PUM2: variants seen among roughly 807,000 people sequenced by gnomAD.
PUM2 encodes pumilio homolog 2.
In PUM2, 57 loss-of-function variants were observed where a neutral mutation model predicts 124.5. The ratio of observed to expected loss-of-function variants is 0.46; its 90% confidence interval spans 0.37 to 0.57. The LOEUF is 0.57. Among genes scored for constraint, PUM2 ranks in the 20% least tolerant of loss-of-function variants. PUM2 has a pLI of 0.00. For missense variants in PUM2, 1,065 were observed against 1,290.6 expected (o/e 0.83, Z 2.68); for synonymous variants, 460 against 446.1 (o/e 1.03, Z -0.39).
At chr2:20,254,629 C>T (rs530533630) in intron 19 of PUM2, among the ~76,000 whole-genome samples, 6 of 152,034 alleles carry the variant, frequency 3.9e-5, no homozygotes, top group African/African-American at 7.2e-5. Context: ...TTTCCAGTGT[C>T]GGGAGTAATT....
intron 17 of PUM2, 103 bp downstream of exon 17, chr2:20,255,930 A>G: frequency 8.5e-7 from 1 of 1,171,774 alleles, no homozygotes; most frequent in Non-Finnish European, 1.2e-6. Context: ...ATTTTTGTAT[A>G]CAATTGCTGG....
intron 1 of PUM2, among the ~76,000 whole-genome samples, chr2:20,349,330 A>T (rs2149192372): frequency 6.6e-6 from 1 of 152,358 alleles, no homozygotes; most frequent in Non-Finnish European, 1.5e-5. Flanking sequence ...TTTTCTGCAT[A>T]CAAAAACTGC....
At chr2:20,278,327 G>A (rs189273940) in intron 13 of PUM2, among the ~76,000 whole-genome samples, 7 of 151,762 alleles carry the variant, frequency 4.6e-5, no homozygotes, top group Non-Finnish European at 8.8e-5. Context: ...CAAAAGCACA[G>A]ACAAGAAAAA....
At chr2:20,324,537 C>T (rs1285665158) in intron 2 of PUM2, among the ~76,000 whole-genome samples, 1 of 152,144 alleles carries the variant, frequency 6.6e-6, no homozygotes, top group African/African-American at 2.4e-5. Context: ...GCCCCAACAA[C>T]CTAGAGAAGC....
chr2:20,254,918 T>C lies in PUM2; in HGVS notation c.2815A>G (p.Ile939Val). The C allele has an allele frequency of 1.2e-6, 2 of 1,614,032 alleles. No individual in the cohort carries two copies. Among genetic ancestry groups the C allele is most frequent in the Non-Finnish European group, 1.7e-6 (2 of 1,179,938 alleles). The change falls in exon 19 of 21, where the codon ATT (isoleucine) becomes GTT (valine). Residue 939 changes from isoleucine (I) to valine (V), a missense_variant. Around this residue, in one of 3 missense-constraint regions of PUM2, gnomAD observed 968 missense variants for 1,159.8 expected, o/e 0.83. Transcript: ENST00000361078. ...EHGRPEDKSK[I>V]VSEIRGKVLA... ...ACCTTTCCCCTGATTTCGGAAACAA[T>C]TTTGCTCTTGTCTTCAGGTCGACCG...
In PUM2 at chr2:20,294,470, T is replaced by A; in HGVS notation, c.1058A>T (p.Tyr353Phe). 1 of 1,614,108 alleles carries A rather than the reference T, an allele frequency of 6.2e-7. No homozygotes were observed. Among genetic ancestry groups the A allele is most frequent in the Non-Finnish European group, 8.5e-7 (1 of 1,180,028 alleles). Residue 353 changes from tyrosine (Y) to phenylalanine (F), a missense_variant, in exon 9 of 21, where the codon TAT becomes TTT. Tyr to Phe is a conservative substitution (Grantham distance 22, BLOSUM62 3). Coordinates refer to ENST00000361078, the MANE Select transcript of PUM2 (RefSeq NM_015317.5). The part of the protein sequence containing the change: ...PQYYGVPWGV[Y>F]PANLFQQQAA... ...TTGCTGCTGAAATAAGTTGGCTGGA[T>A]ACACCCCCCATGGAACGCCGTAATA...
At chr2:20,350,443 G>C in intron 1 of PUM2, 154 bp downstream of exon 1, 1 of 968,986 alleles carries the variant, frequency 1.0e-6, no homozygotes, top group Non-Finnish European at 1.2e-6. Flanking sequence ...CATTGTGCGA[G>C]CGGGCCCCAG....
At position 20,283,539 on chromosome 2, in the gene PUM2, A is replaced by T. The variant is rs1672050321; in HGVS notation, c.1292-53T>A. On this transcript the variant is annotated intron_variant, in intron 10 of 20. Coordinates refer to ENST00000361078, the MANE Select transcript of PUM2 (RefSeq NM_015317.5). Reference sequence around the variant, plus strand: ...AAGCACTTATTACAAAAACATGCATATTTGTTTTTCCCTGCATTTGTATTT... The same window carrying T: ...AAGCACTTATTACAAAAACATGCATTTTTGTTTTTCCCTGCATTTGTATTT... 8.5e-6 allele frequency: 13 copies of T among 1,527,418 alleles called. No homozygotes were observed. In the South Asian group the frequency reaches 1.4e-4, roughly 16 times the overall value. The allele number at this position is 1,527,418 out of a possible 1,614,324, so 94.6% of individuals were successfully genotyped here.
intron 1 of PUM2, among the ~76,000 whole-genome samples, chr2:20,346,625 G>A (rs1244317835): frequency 6.6e-6 from 1 of 152,136 alleles, no homozygotes. Flanking sequence ...GTCATAAGAT[G>A]GCTACTACAA....
At chr2:20,287,144 A>G (rs1382728659) in intron 10 of PUM2, among the ~76,000 whole-genome samples, 2 of 152,236 alleles carry the variant, frequency 1.3e-5, no homozygotes, top group East Asian at 3.8e-4. Context: ...TTACTTTAAC[A>G]TATGACATAG....
intron 7 of PUM2, among the ~76,000 whole-genome samples, chr2:20,298,137 T>C (rs1676075798): frequency 6.6e-6 from 1 of 152,154 alleles, no homozygotes; most frequent in Non-Finnish European, 1.5e-5. Flanking sequence ...CACAAAGCAC[T>C]CCATCTGGTG....
intron 1 of PUM2, among the ~76,000 whole-genome samples, chr2:20,345,985 A>G (rs1194466939): frequency 1.3e-5 from 2 of 152,236 alleles, no homozygotes; most frequent in African/African-American, 4.8e-5. Context: ...CACGATTCTG[A>G]AAGAACTGGC....
chr2:20,307,169 T>C (rs768030875), intron 7 of PUM2, among the ~76,000 whole-genome samples: 2 of 152,018 alleles, frequency 1.3e-5, no homozygotes, highest in African/African-American at 2.4e-5. Context: ...TGAGCCGAGA[T>C]TGCCCCACTG....
At chr2:20,299,715 A>C (rs934328119) in intron 7 of PUM2, among the ~76,000 whole-genome samples, 4 of 152,136 alleles carry the variant, frequency 2.6e-5, no homozygotes, top group African/African-American at 9.7e-5. Context: ...CCCTATACAC[A>C]ATCATTTTTT....
chr2:20,282,336 A>G lies in PUM2; in HGVS notation c.1720+611T>C, dbSNP rs1671729400. Among the ~76,000 whole-genome samples the G allele has an allele frequency of 2.0e-5, 3 of 152,330 alleles. No individual in the cohort carries two copies. In the South Asian group the frequency reaches 6.2e-4, roughly 32 times the overall value. ...TTGTTAAGTGTTATATAAAGCTAAG[A>G]TACATGAATAGATACCCTTTTAAGT... On this transcript the variant is annotated intron_variant, in intron 12 of 20. Transcript: ENST00000361078.
intron 1 of PUM2, among the ~76,000 whole-genome samples, chr2:20,339,039 T>A (rs1412289472): frequency 6.6e-6 from 1 of 152,240 alleles, no homozygotes; most frequent in African/African-American, 2.4e-5. Flanking sequence ...AATGGCTTTA[T>A]ATATGGAAGG....
At chr2:20,317,285 T>G (rs773117685) in intron 3 of PUM2, among the ~76,000 whole-genome samples, 70 of 152,198 alleles carry the variant, frequency 4.6e-4, no homozygotes, top group Admixed American at 2.2e-3. Context: ...ACCAGTTAAT[T>G]TTCCCTTAAC....
chr2:20,310,008 A>G (rs1679250757), intron 5 of PUM2, among the ~76,000 whole-genome samples: 1 of 152,078 alleles, frequency 6.6e-6, no homozygotes, highest in South Asian at 2.1e-4. Flanking sequence ...AGATAAAACT[A>G]AAAGCATTTT....
In PUM2 at chr2:20,327,386, AT is replaced by A. The variant is rs1683932261; in HGVS notation, c.-18-9del. On this transcript the variant is annotated splice_polypyrimidine_tract_variant and intron_variant, in intron 1 of 20. Transcript: ENST00000361078. ...TTCATCCACAGATCAAACCTGTTGA[AT>A]AACAAAAACAAAAATTAGTACAAAG... 1.3e-6 allele frequency: 2 copies of A among 1,533,390 alleles called. No homozygotes were observed. Among genetic ancestry groups the A allele is most frequent in the African/African-American group, 2.8e-5 (2 of 72,088 alleles). 95.0% of individuals were successfully genotyped at this position (1,533,390 alleles called of 1,614,324 possible). A position where few individuals can be genotyped will look rare whatever the true frequency, so the allele number is the denominator to read the frequency against.
Sources: gnomAD v4.1 joint callset for allele counts (sites outside exome capture counted in the v4.1 genomes callset) on GRCh38, gnomAD v4.1.1 for gene constraint, gnomAD v4.1.1 regional missense constraint, MANE v1.5 for transcripts, NCBI Gene and HGNC (gene_info 2026-07-23, HGNC 2026-07-21) for gene names.